The following KCNQ5 variants were observed in gnomAD, a reference collection of about 807,000 sequenced individuals.
KCNQ5 encodes the protein potassium voltage-gated channel subfamily KQT member 5.
In KCNQ5, 30 loss-of-function variants were observed where a neutral mutation model predicts 98.2. The observed-to-expected ratio is 0.31, with a 90% confidence interval of 0.23 to 0.41. KCNQ5 has a LOEUF of 0.41. KCNQ5 is among the 10% of genes least tolerant of loss of function. The pLI is 1.00. For synonymous variants in KCNQ5, 458 were observed against 449.4 expected (o/e 1.02, Z -0.24); for missense variants, 835 against 1,182.5 (o/e 0.71, Z 4.31).
chr6:72,930,579 CAAAAAAAA>C (rs5877339), intron 1 of KCNQ5, among the ~76,000 whole-genome samples: 8 of 94,210 alleles, frequency 8.5e-5, no homozygotes, highest in Admixed American at 2.3e-4. Flanking sequence ...GACATTTTAC[CAAAAAAAA>C]AAAAAAAAAA....
intron 1 of KCNQ5, among the ~76,000 whole-genome samples, chr6:72,642,386 A>C (rs1765368169): frequency 6.6e-6 from 1 of 152,076 alleles, no homozygotes; most frequent in South Asian, 2.1e-4. Context: ...TTTGTTACAT[A>C]GGTAAACGTG....
intron 3 of KCNQ5, chr6:73,043,049 G>A: frequency 3.4e-6 from 1 of 294,390 alleles, no homozygotes; most frequent in South Asian, 3.4e-5. Flanking sequence ...GCTACCACAG[G>A]TTTTCTGTTT....
intron 2 of KCNQ5, among the ~76,000 whole-genome samples, chr6:73,034,384 C>G (rs1227074865): frequency 6.6e-6 from 1 of 152,222 alleles, no homozygotes; most frequent in Admixed American, 6.5e-5. Flanking sequence ...TTAGCCACAG[C>G]TCTTCAAGAA....
chr6:72,988,667 T>TA (rs70994153), intron 1 of KCNQ5, among the ~76,000 whole-genome samples: 2 of 145,354 alleles, frequency 1.4e-5, no homozygotes, highest in African/African-American at 2.5e-5. Flanking sequence ...TTTTTTTTTT[T>TA]ATTATACTCT....
chr6:73,134,292 A>G (rs2150458650), intron 10 of KCNQ5: 1 of 158,700 alleles, frequency 6.3e-6, no homozygotes, highest in South Asian at 1.8e-4. Flanking sequence ...CATAATTTTC[A>G]TGTTTATAAA....
intron 1 of KCNQ5, among the ~76,000 whole-genome samples, chr6:72,636,012 A>G (rs990467449): frequency 1.3e-5 from 2 of 152,064 alleles, no homozygotes; most frequent in African/African-American, 4.8e-5. Flanking sequence ...AAGTTTTCTA[A>G]TATCTATATA....
chr6:73,158,254 ATTT>A (rs796118861), intron 10 of KCNQ5: 51 of 22,708 alleles, frequency 2.2e-3, no homozygotes, highest in South Asian at 0.013. Flanking sequence ...ATTTTGGAAG[ATTT>A]TTTTTTTTTT....
chr6:73,159,186 G>A (rs1272219792), intron 10 of KCNQ5, among the ~76,000 whole-genome samples: 1 of 152,226 alleles, frequency 6.6e-6, no homozygotes, highest in African/African-American at 2.4e-5. Context: ...ATGAGATCAT[G>A]TCCTTTGCAG....
chr6:73,152,895 G>A (rs1441014411), intron 10 of KCNQ5, among the ~76,000 whole-genome samples: 3 of 152,136 alleles, frequency 2.0e-5, no homozygotes, highest in Non-Finnish European at 2.9e-5. Flanking sequence ...AGCAGGTTGT[G>A]GTGGATCCTC....
At chr6:72,647,256 T>A (rs1274955082) in intron 1 of KCNQ5, among the ~76,000 whole-genome samples, 1 of 151,602 alleles carries the variant, frequency 6.6e-6, no homozygotes, top group Non-Finnish European at 1.5e-5. Flanking sequence ...TATGGAGAAA[T>A]GGGATGAAAA....
intron 5 of KCNQ5, among the ~76,000 whole-genome samples, chr6:73,102,103 A>T (rs961307029): frequency 6.6e-6 from 1 of 152,224 alleles, no homozygotes; most frequent in Admixed American, 6.5e-5. Flanking sequence ...GTACATCCAC[A>T]GTGAACTCAT....
intron 1 of KCNQ5, among the ~76,000 whole-genome samples, chr6:72,881,774 C>G (rs1319011054): frequency 2.0e-5 from 3 of 152,212 alleles, no homozygotes; most frequent in Non-Finnish European, 4.4e-5. Flanking sequence ...TCACTGCAGT[C>G]TCCACCTCCT....
At chr6:72,625,224 T>G (rs1368315254) in intron 1 of KCNQ5, among the ~76,000 whole-genome samples, 1 of 152,206 alleles carries the variant, frequency 6.6e-6, no homozygotes, top group East Asian at 1.9e-4. Flanking sequence ...ATTATAATGG[T>G]ATTTTAGGGT....
chr6:73,114,652 A>G (rs1277874509), intron 7 of KCNQ5, among the ~76,000 whole-genome samples: 1 of 152,192 alleles, frequency 6.6e-6, no homozygotes, highest in East Asian at 1.9e-4. Context: ...ACATTATGTT[A>G]CTTGATCCTC....
At chr6:72,848,789 G>A (rs1377856138) in intron 1 of KCNQ5, among the ~76,000 whole-genome samples, 1 of 152,096 alleles carries the variant, frequency 6.6e-6, no homozygotes, top group Non-Finnish European at 1.5e-5. Flanking sequence ...GAGATCTAAT[G>A]GTCTTATAAA....
chr6:73,167,726 C>T (rs529784086), intron 10 of KCNQ5, among the ~76,000 whole-genome samples: 10 of 152,284 alleles, frequency 6.6e-5, no homozygotes, highest in African/African-American at 2.4e-4. Flanking sequence ...TTATTTCTCA[C>T]GGTTCTGAAG....
chr6:72,653,815 T>G (rs941903026), intron 1 of KCNQ5, among the ~76,000 whole-genome samples: 1 of 152,082 alleles, frequency 6.6e-6, no homozygotes, highest in African/African-American at 2.4e-5. Context: ...TTATGTATTT[T>G]ACTCTGTTAT....
At chr6:73,103,254 T>C (rs1774862191) in intron 5 of KCNQ5, among the ~76,000 whole-genome samples, 2 of 151,942 alleles carry the variant, frequency 1.3e-5, no homozygotes, top group Admixed American at 6.6e-5. Flanking sequence ...GAATTAACAG[T>C]TAAGGATTAA....
intron 1 of KCNQ5, among the ~76,000 whole-genome samples, chr6:72,687,554 C>G (rs1768016809): frequency 6.6e-6 from 1 of 152,084 alleles, no homozygotes; most frequent in African/African-American, 2.4e-5. Context: ...CAGAAAAAAG[C>G]CATCTGATTT....
Sources: gnomAD v4.1 joint callset for allele counts (sites outside exome capture counted in the v4.1 genomes callset) on GRCh38, gnomAD v4.1.1 for gene constraint, MANE v1.5 for transcripts, NCBI Gene and HGNC (gene_info 2026-07-23, HGNC 2026-07-21) for gene names.